The following SYT16 variants were observed in gnomAD, a reference collection of about 807,000 sequenced individuals.
The protein encoded by SYT16 is synaptotagmin-16.
SYT16 carries 42 observed loss-of-function variants against 61.4 expected under a neutral mutation model. That is an observed-to-expected ratio of 0.68 (90% CI 0.53 to 0.89). The LOEUF (loss-of-function observed/expected upper bound fraction) is 0.89. SYT16 is among the 40% of genes least tolerant of loss of function. The pLI, the probability that SYT16 is intolerant of heterozygous loss-of-function variation, is 0.00. For synonymous variants in SYT16, 314 were observed against 302.3 expected (o/e 1.04, Z -0.40); for missense variants, 804 against 807.3 (o/e 1.00, Z 0.05).
At chr14:61,891,249 C>CAT (rs1265250911) in intron 1 of SYT16, among the ~76,000 whole-genome samples, 1 of 151,444 alleles carries the variant, frequency 6.6e-6, no homozygotes, top group Non-Finnish European at 1.5e-5. Flanking sequence ...CGCGCACACA[C>CAT]ACACACACAC....
intron 1 of SYT16, among the ~76,000 whole-genome samples, chr14:61,824,599 G>A (rs775144437): frequency 5.3e-5 from 8 of 152,110 alleles, no homozygotes; most frequent in Non-Finnish European, 7.4e-5. Context: ...TGATCCGCCC[G>A]CCTGAGCCTC....
intron 1 of SYT16, among the ~76,000 whole-genome samples, chr14:61,906,787 GTCCATCCATCCATCCATCCATCCA>G (rs60022651): frequency 7.0e-6 from 1 of 142,316 alleles, no homozygotes; most frequent in Non-Finnish European, 1.5e-5. Flanking sequence ...CCGTCCGTCC[GTCCATCCATCCATCCATCCATCCA>G]TCCATCCATC....
intron 1 of SYT16, among the ~76,000 whole-genome samples, chr14:61,893,559 A>G (rs1292682986): frequency 6.6e-6 from 1 of 152,204 alleles, no homozygotes; most frequent in East Asian, 1.9e-4. Context: ...ATAATAATCC[A>G]GATTTAAAAA....
chr14:61,971,476 C>G (rs551172399), intron 2 of SYT16, among the ~76,000 whole-genome samples: 1 of 152,324 alleles, frequency 6.6e-6, no homozygotes, highest in South Asian at 2.1e-4. Context: ...CACAAGGCTA[C>G]TTGAGTGCTT....
chr14:61,991,982 A>G lies in SYT16; in HGVS notation c.-144-3894A>G, dbSNP rs1226326006. On this transcript the variant is annotated intron_variant, in intron 2 of 7. Coordinates refer to ENST00000683842, the MANE Select transcript of SYT16 (RefSeq NM_001367656.1). ...CATTCATTCATTCATTCATTCATTC[A>G]TTCATTCATGGAACATGGAGAGCCC... is the stretch of plus-strand genomic sequence containing the variant. Among the ~76,000 whole-genome samples, 3 of 152,104 alleles carry G rather than the reference A, an allele frequency of 2.0e-5. No homozygotes were observed. The East Asian group carries it at 5.8e-4, about 29-fold the overall frequency.
chr14:61,959,885 A>G (rs1363287590), intron 1 of SYT16, among the ~76,000 whole-genome samples: 3 of 152,160 alleles, frequency 2.0e-5, no homozygotes, highest in African/African-American at 7.2e-5. Context: ...GCTGGAGTGC[A>G]GTGGTGCAAT....
In SYT16 at chr14:61,934,010, CAT is replaced by C. The variant is rs566400862; in HGVS notation, c.-324-36111_-324-36110del. Among the ~76,000 whole-genome samples the C allele has an allele frequency of 2.8e-3, 421 of 151,332 alleles. 7 individuals are homozygous for C. Among genetic ancestry groups the C allele is most frequent in the Non-Finnish European group, 3.6e-3 (241 of 67,808 alleles). On this transcript the variant is annotated intron_variant, in intron 1 of 7. Coordinates refer to ENST00000683842, the MANE Select transcript of SYT16 (RefSeq NM_001367656.1). ...ATATGTATGTATACAAGTACATAGT[CAT>C]ATATATATATGCACACATACATTCA...
intron 1 of SYT16, among the ~76,000 whole-genome samples, chr14:61,824,145 C>A (rs568904266): frequency 6.6e-6 from 1 of 152,216 alleles, no homozygotes; most frequent in East Asian, 1.9e-4. Flanking sequence ...CCATGCTGTT[C>A]TGTTTTCTCT....
chr14:61,813,977 A>G (rs907011193), intron 1 of SYT16, among the ~76,000 whole-genome samples: 7 of 152,140 alleles, frequency 4.6e-5, no homozygotes, highest in African/African-American at 1.7e-4. Flanking sequence ...CCTGTATTTT[A>G]TCTCTCTAGA....
rs142408466 is a variant in SYT16, at chr14:62,011,926, C to CATATATATATATATATATATATATATAT, written c.523+15400_523+15401insATATATATATATATATATATATATATAT. Among the ~76,000 whole-genome samples the CATATATATATATATATATATATATATAT allele has an allele frequency of 1.6e-3, 213 of 132,682 alleles. 1 individual carries two copies. The highest frequency in any genetic ancestry group is 4.5e-3 in the African/African-American group (134 of 29,476). The allele number at this position is 132,682 out of a possible 152,430, so 87.0% of individuals were successfully genotyped here. A position where few individuals can be genotyped will look rare whatever the true frequency, so the allele number is the denominator to read the frequency against. On this transcript the variant is annotated intron_variant, in intron 3 of 7. Transcript: ENST00000683842. ...ACACATATATATACACACACACACA[C>CATATATATATATATATATATATATATAT]ATATATATATATATATTTGATGCTG...
At position 62,103,742 on chromosome 14, in the gene SYT16, A is replaced by G. The variant is rs1200985959; in HGVS notation, c.*3035A>G. 5 of 152,174 alleles carry G rather than the reference A, an allele frequency of 3.3e-5. No homozygotes were observed. The highest frequency in any genetic ancestry group is 1.2e-4 in the African/African-American group (5 of 41,436). The allele number at this position is 152,174 out of a possible 1,614,324, so 9.4% of individuals were successfully genotyped here. The stretch of plus-strand genomic sequence containing the variant: ...GTGGGGGTGTCTTGCCTTCCCTAAC[A>G]TAAGAAGAATTTGTAATGTCTTTGG... On this transcript the variant is annotated 3_prime_UTR_variant, in exon 8 of 8. Coordinates refer to ENST00000683842, the MANE Select transcript of SYT16 (RefSeq NM_001367656.1).
intron 1 of SYT16, among the ~76,000 whole-genome samples, chr14:61,933,942 C>G (rs918446970): frequency 6.6e-6 from 1 of 151,958 alleles, no homozygotes; most frequent in South Asian, 2.1e-4. Flanking sequence ...TATATACACA[C>G]GTACACATGC....
intron 3 of SYT16, among the ~76,000 whole-genome samples, chr14:62,041,621 T>G (rs141244239): frequency 6.4e-4 from 97 of 152,298 alleles, no homozygotes; most frequent in African/African-American, 2.3e-3. Flanking sequence ...TTGTCCTGCC[T>G]CAGCCTCCTG....
At chr14:61,972,775 G>A (rs773013834) in intron 2 of SYT16, among the ~76,000 whole-genome samples, 1 of 152,180 alleles carries the variant, frequency 6.6e-6, no homozygotes, top group Non-Finnish European at 1.5e-5. Flanking sequence ...AAGAAGCCCA[G>A]TACAGACAGA....
At chr14:62,036,372 G>C (rs1444397082) in intron 3 of SYT16, among the ~76,000 whole-genome samples, 1 of 152,202 alleles carries the variant, frequency 6.6e-6, no homozygotes. Context: ...GCTGAGGCTA[G>C]AGGTAGTGTT....
chr14:62,016,888 C>T lies in SYT16; in HGVS notation c.523+20346C>T, dbSNP rs116552877. 8.7e-3 allele frequency among the ~76,000 whole-genome samples: 1,322 copies of T among 152,192 alleles called. 27 individuals carry two copies. Among genetic ancestry groups the T allele is most frequent in the African/African-American group, 0.03 (1,243 of 41,518 alleles). On this transcript the variant is annotated intron_variant, in intron 3 of 7. Transcript: ENST00000683842. ...AACTGTGGACTCTTTAGAACAGGGACCCCATATTATTACTCATCCCTGTAT... is the reference window on the plus strand; with the variant it reads ...AACTGTGGACTCTTTAGAACAGGGATCCCATATTATTACTCATCCCTGTAT...
At chr14:61,946,747 T>G (rs1478567326) in intron 1 of SYT16, among the ~76,000 whole-genome samples, 1 of 152,174 alleles carries the variant, frequency 6.6e-6, no homozygotes, top group Non-Finnish European at 1.5e-5. Context: ...CTAGGTCCTA[T>G]TCTGTGGGGC....
chr14:61,904,676 T>C (rs568895460), intron 1 of SYT16, among the ~76,000 whole-genome samples: 1 of 152,364 alleles, frequency 6.6e-6, no homozygotes, highest in East Asian at 1.9e-4. Flanking sequence ...GGTGCCTGAA[T>C]AGCTGGAAGA....
intron 1 of SYT16, among the ~76,000 whole-genome samples, chr14:61,814,495 AG>A (rs572902524): frequency 2.9e-4 from 44 of 152,386 alleles, no homozygotes; most frequent in African/African-American, 1.1e-3. Flanking sequence ...TGATACATTT[AG>A]TACCCTAGAA....
Sources: gnomAD v4.1 joint callset for allele counts (sites outside exome capture counted in the v4.1 genomes callset) on GRCh38, gnomAD v4.1.1 for gene constraint, MANE v1.5 for transcripts, NCBI Gene and HGNC (gene_info 2026-07-23, HGNC 2026-07-21) for gene names.